LPP: variants seen among roughly 807,000 people sequenced by gnomAD.
LPP encodes the protein LIM domain containing preferred translocation partner in lipoma.
A neutral mutation model predicts 60.4 loss-of-function variants in LPP; 38 were observed. The ratio of observed to expected loss-of-function variants is 0.63; its 90% CI spans 0.49 to 0.83. The LOEUF is 0.83. LPP is among the 40% of genes least tolerant of loss of function. The pLI is 0.00. For synonymous variants in LPP, 328 were observed against 290.8 expected, an observed-to-expected ratio of 1.13 and a Z score of -1.30; for missense variants, 902 against 783.6, an observed-to-expected ratio of 1.15 and a Z score of -1.80.
intron 3 of LPP, among the ~76,000 whole-genome samples, chr3:188,351,747 C>T (rs529931747): frequency 4.6e-5 from 7 of 152,236 alleles, no homozygotes; most frequent in East Asian, 3.9e-4. Flanking sequence ...TCCTAGAACA[C>T]GGGTGTAGGG....
At chr3:188,472,386 G>GA (rs906155832) in intron 4 of LPP, among the ~76,000 whole-genome samples, 31 of 148,106 alleles carry the variant, frequency 2.1e-4, no homozygotes, top group South Asian at 6.4e-4. Flanking sequence ...TATTCCTTTG[G>GA]AAAAAAAAAA....
chr3:188,300,347 AT>A (rs1419212467), intron 2 of LPP, among the ~76,000 whole-genome samples: 2 of 151,960 alleles, frequency 1.3e-5, no homozygotes, highest in Admixed American at 1.3e-4. Context: ...ATGCACATGC[AT>A]TTTGAGATTT....
chr3:188,222,228 G>T (rs75895305), intron 1 of LPP, among the ~76,000 whole-genome samples: 1 of 151,968 alleles, frequency 6.6e-6, no homozygotes, highest in African/African-American at 2.4e-5. Context: ...TTTTTCAAAT[G>T]ATAAAATAAA....
Position 188,403,517 on chromosome 3 carries a change from T to C in LPP, c.-9-2595T>C, listed in dbSNP as rs1578638040. 2.0e-5 allele frequency among the ~76,000 whole-genome samples: 3 copies of C among 152,366 alleles called. No homozygotes were observed. In the South Asian group the frequency reaches 6.2e-4, roughly 32 times the overall value. On this transcript the variant is annotated intron_variant, in intron 3 of 11. Coordinates refer to ENST00000617246, the MANE Select transcript of LPP (RefSeq NM_001375462.1). Reference sequence around the variant, plus strand: ...TGCATTAAAAGTTTTAAACCTTTACTTGATCCCTTTTATTTCACACTTATA... The same window carrying C: ...TGCATTAAAAGTTTTAAACCTTTACCTGATCCCTTTTATTTCACACTTATA...
At chr3:188,524,925 TTCCTTCCTTC>T in intron 6 of LPP, 138 bp downstream of exon 6, 1 of 651,804 alleles carries the variant, frequency 1.5e-6, no homozygotes, top group Non-Finnish European at 2.4e-6. Context: ...CCTTCCTTCC[TTCCTTCCTTC>T]CTTCCTTCCT....
chr3:188,611,637 G>C (rs1448826431), intron 7 of LPP, among the ~76,000 whole-genome samples: 1 of 152,212 alleles, frequency 6.6e-6, no homozygotes. Context: ...CTGAAAGGAT[G>C]GCTGAGTGAT....
intron 9 of LPP, among the ~76,000 whole-genome samples, chr3:188,849,356 A>G (rs1762229527): frequency 6.6e-6 from 1 of 151,066 alleles, no homozygotes; most frequent in Admixed American, 6.6e-5. Context: ...AAGAGAATGG[A>G]AACAATTTTC....
chr3:188,216,268 T>C (rs1254724876), intron 1 of LPP, among the ~76,000 whole-genome samples: 3 of 149,110 alleles, frequency 2.0e-5, no homozygotes, highest in Non-Finnish European at 4.4e-5. Context: ...GTCTTCTTCT[T>C]CTTCCTTTTT....
rs1578105620 is a variant in LPP at position 188,874,917 on chromosome 3, G to C, written c.*438G>C. On this transcript the variant is annotated 3_prime_UTR_variant, in exon 12 of 12. Coordinates refer to ENST00000617246, the MANE Select transcript of LPP (RefSeq NM_001375462.1). ...TATCATTTCCGTTTTGCCTGTGACT[G>C]TAAAGAGTAGCCATTCTTTTCCCAT... 4.3e-6 allele frequency: 1 copy of C among 233,224 alleles called. No homozygotes were observed. The highest frequency in any genetic ancestry group is 6.2e-5 in the East Asian group (1 of 16,152). 14.4% of individuals were successfully genotyped at this position (233,224 alleles called of 1,614,324 possible).
intron 3 of LPP, among the ~76,000 whole-genome samples, chr3:188,370,618 A>G (rs1364783114): frequency 6.6e-6 from 1 of 152,038 alleles, no homozygotes; most frequent in Non-Finnish European, 1.5e-5. Context: ...AGTTTACGCA[A>G]TTTGTTTTCC....
At chr3:188,824,231 C>T (rs1034664750) in intron 9 of LPP, among the ~76,000 whole-genome samples, 3 of 152,066 alleles carry the variant, frequency 2.0e-5, no homozygotes, top group Non-Finnish European at 4.4e-5. Flanking sequence ...GAAATGACTC[C>T]TGGTAGAGTA....
intron 8 of LPP, among the ~76,000 whole-genome samples, chr3:188,731,390 T>A (rs1720423642): frequency 1.3e-5 from 2 of 152,160 alleles, no homozygotes; most frequent in South Asian, 4.1e-4. Flanking sequence ...ATCTGGGGCA[T>A]GTTTGCTGAT....
At chr3:188,477,589 T>C (rs1388284806) in intron 4 of LPP, among the ~76,000 whole-genome samples, 1 of 152,196 alleles carries the variant, frequency 6.6e-6, no homozygotes, top group Non-Finnish European at 1.5e-5. Flanking sequence ...TCCTGGTGGT[T>C]TTTAAAACCT....
chr3:188,639,913 G>T (rs1364411116), intron 7 of LPP, among the ~76,000 whole-genome samples: 1 of 151,952 alleles, frequency 6.6e-6, no homozygotes, highest in Non-Finnish European at 1.5e-5. Flanking sequence ...CTTTTACACT[G>T]TTGGTGGGAC....
intron 1 of LPP, chr3:188,178,835 G>A (rs1293203077): frequency 5.2e-6 from 1 of 190,582 alleles, no homozygotes; most frequent in Non-Finnish European, 1.1e-5. Flanking sequence ...GTGAAGTATT[G>A]TAATACTGGT....
chr3:188,464,596 G>A, intron 4 of LPP, among the ~76,000 whole-genome samples: 2 of 152,220 alleles, frequency 1.3e-5, no homozygotes, highest in Admixed American at 1.3e-4. Flanking sequence ...TTAAAATATT[G>A]ATATTTGGTG....
chr3:188,603,023 AAATAATAATAATAATAAT>A (rs57026715), intron 6 of LPP, among the ~76,000 whole-genome samples: 42,258 of 146,544 alleles, frequency 0.29, 6,547 homozygotes, highest in Non-Finnish European at 0.33. Context: ...CTTGTGTTTG[AAATAATAATAATAATAAT>A]AATAATAATA....
chr3:188,335,001 T>A (rs1234181091), intron 2 of LPP, among the ~76,000 whole-genome samples: 1 of 152,226 alleles, frequency 6.6e-6, no homozygotes, highest in Non-Finnish European at 1.5e-5. Context: ...CAGTTGGCTG[T>A]AAATACGTGG....
At chr3:188,315,464 T>G (rs1262632032) in intron 2 of LPP, among the ~76,000 whole-genome samples, 1 of 152,180 alleles carries the variant, frequency 6.6e-6, no homozygotes, top group East Asian at 1.9e-4. Context: ...TGAACTTGGC[T>G]CTTAATTTCC....
Sources: allele counts gnomAD v4.1 joint callset (sites outside exome capture counted in the v4.1 genomes callset), GRCh38; gene constraint gnomAD v4.1.1; transcripts MANE v1.5; gene names NCBI Gene and HGNC (gene_info 2026-07-23, HGNC 2026-07-21).